Variants in EPG5 observed in about 807,000 individuals in gnomAD.
EPG5 encodes ectopic P-granules 5 autophagy tethering factor, also known as ectopic P granules protein 5 homolog.
In EPG5, 159 loss-of-function variants were observed where a neutral mutation model predicts 302.7. The ratio of observed to expected loss-of-function variants is 0.53; its 90% confidence interval spans 0.46 to 0.60. The LOEUF is 0.60. EPG5 is among the 20% of genes least tolerant of loss of function. The pLI is 0.00. For synonymous variants in EPG5, 1,158 were observed against 1,136.8 expected, an observed-to-expected ratio of 1.02 and a Z score of -0.37; for missense variants, 2,896 against 3,092.4, an observed-to-expected ratio of 0.94 and a Z score of 1.51.
At position 45,917,738 on chromosome 18, in the gene EPG5, G is replaced by T. The variant is rs760272045; in HGVS notation, c.3180C>A (p.Val1060=). The change falls in exon 17 of 44, where the codon GTC becomes GTA. Residue 1060 remains valine (V), a synonymous_variant. Coordinates refer to ENST00000282041, the MANE Select transcript of EPG5 (RefSeq NM_020964.3). ...AAAATAAAGGCAGAATCTTATCCAG[G>T]ACATGAACCACTGTTCTCAAATGTC... ...QSRHLRTVVH[V]LDKILPLFYP... The T allele has an allele frequency of 6.2e-7, 1 of 1,614,038 alleles. No individual in the cohort carries two copies. Among genetic ancestry groups the T allele is most frequent in the South Asian group, 1.1e-5 (1 of 91,076 alleles).
chr18:45,925,764 C>A lies in EPG5; in HGVS notation c.2692G>T (p.Gly898Ter). Residue 898 changes from glycine (G) to a stop codon, truncating the protein, a stop_gained, in exon 14 of 44, where the codon GGA becomes TGA. Coordinates refer to ENST00000282041, the MANE Select transcript of EPG5 (RefSeq NM_020964.3). LOFTEE classifies it high-confidence loss of function. ...KNKLACVILE[G>*]LNWGFAKQAT... Reference sequence around the variant, plus strand: ...TGTTTAGCAAATCCCCAATTCAGTCCTTCAAGAATAACACAGGCCAGTTTA... The same window carrying A: ...TGTTTAGCAAATCCCCAATTCAGTCATTCAAGAATAACACAGGCCAGTTTA... The A allele has an allele frequency of 6.4e-7, 1 of 1,557,960 alleles. No homozygotes were observed. The highest frequency in any genetic ancestry group is 1.4e-5 in the African/African-American group (1 of 71,992).
chr18:45,902,895 T>C (rs180842191), intron 25 of EPG5, among the ~76,000 whole-genome samples: 3 of 152,316 alleles, frequency 2.0e-5, no homozygotes, highest in East Asian at 1.9e-4. Context: ...ATCTGCTCAA[T>C]AGGGATAACC....
intron 17 of EPG5, among the ~76,000 whole-genome samples, chr18:45,917,323 A>C (rs1375832406): frequency 6.6e-6 from 1 of 152,216 alleles, no homozygotes; most frequent in Non-Finnish European, 1.5e-5. Flanking sequence ...AAACAATTTA[A>C]AACAATCTTT....
rs115937897 is a variant in EPG5 at position 45,933,167 on chromosome 18, C to T, written c.2257+1642G>A. The stretch of plus-strand genomic sequence containing the variant: ...CAGACAATGGCTGTGAGACCTCTCA[C>T]CTAGCTCACTCGTAAGCCCAGGTCC... On this transcript the variant is annotated intron_variant, in intron 11 of 43. Transcript: ENST00000282041. Among the ~76,000 whole-genome samples the T allele has an allele frequency of 4.5e-3, 690 of 152,220 alleles. 4 individuals carry two copies. Among genetic ancestry groups the T allele is most frequent in the African/African-American group, 0.015 (626 of 41,524 alleles).
chr18:45,807,465 A>T, the EPG5 span, among the ~76,000 whole-genome samples: 1 of 152,166 alleles, frequency 6.6e-6, no homozygotes, highest in African/African-American at 2.4e-5. Context: ...AAGAACCCTC[A>T]CAGAGTCCAT....
At chr18:45,816,632 G>A in the EPG5 span, among the ~76,000 whole-genome samples, 75 of 152,258 alleles carry the variant, frequency 4.9e-4, no homozygotes, top group Admixed American at 1.3e-3. Context: ...AGATGTTAGC[G>A]TGGATGCGGC....
the EPG5 span, among the ~76,000 whole-genome samples, chr18:45,833,699 AAG>A: frequency 6.6e-6 from 1 of 152,192 alleles, no homozygotes; most frequent in Non-Finnish European, 1.5e-5. Flanking sequence ...AATTCTCAAA[AAG>A]AGTTTACTGC....
At chr18:45,868,442 A>G (rs1001064093) in intron 36 of EPG5, among the ~76,000 whole-genome samples, 1 of 151,662 alleles carries the variant, frequency 6.6e-6, no homozygotes, top group East Asian at 1.9e-4. Flanking sequence ...GCTTCAAGCA[A>G]TTCTCCTGTC....
At position 45,965,491 on chromosome 18, in the gene EPG5, A is replaced by C. The variant is rs540104568; in HGVS notation, c.63+1686T>G. ...AAAAAAAGAGCATCATAATGAAAGA[A>C]ATCCACATAAGTCATCTACAGTCTA... On this transcript the variant is annotated intron_variant, in intron 1 of 43. Coordinates refer to ENST00000282041, the MANE Select transcript of EPG5 (RefSeq NM_020964.3). Among the ~76,000 whole-genome samples, 86 of 152,344 alleles carry C rather than the reference A, an allele frequency of 5.6e-4. 1 individual carries two copies. The highest frequency in any genetic ancestry group is 5.6e-3 in the Admixed American group (85 of 15,306).
Position 45,884,851 on chromosome 18 carries a change from C to T in EPG5, c.5110-40G>A, listed in dbSNP as rs749776218. 1.1e-5 allele frequency: 15 copies of T among 1,413,736 alleles called. No homozygotes were observed. The Admixed American group carries it at 2.4e-4, about 22-fold the overall frequency. 87.6% of individuals were successfully genotyped at this position (1,413,736 alleles called of 1,614,324 possible). A position where few individuals can be genotyped will look rare whatever the true frequency, so the allele number is the denominator to read the frequency against. ...AAGGAAAAATGTCACCAGATTCTTC[C>T]CTCACAACCTTTATTTAAGCAAGCA... On this transcript the variant is annotated intron_variant, in intron 29 of 43. Coordinates refer to ENST00000282041, the MANE Select transcript of EPG5 (RefSeq NM_020964.3).
In EPG5 at chr18:45,880,115, A is replaced by ACGG; in HGVS notation, c.5624_5626dup (p.Ala1875dup). The ACGG allele has an allele frequency of 6.2e-7, 1 of 1,610,762 alleles. No homozygotes were observed. Among genetic ancestry groups the ACGG allele is most frequent in the South Asian group, 1.1e-5 (1 of 90,866 alleles). On this transcript the variant is annotated inframe_insertion, in exon 32 of 44. Coordinates refer to ENST00000282041, the MANE Select transcript of EPG5 (RefSeq NM_020964.3). ...GAGAGCATCAGAAGAGCTGGGAAGC[A>ACGG]CGGCGCCCTCGGTGGACGCTGCCCC...
chr18:45,964,709 T>C (rs2051212494), intron 1 of EPG5, among the ~76,000 whole-genome samples: 1 of 152,218 alleles, frequency 6.6e-6, no homozygotes, highest in African/African-American at 2.4e-5. Context: ...GGCTCATGCC[T>C]GTAATCCCAG....
At chr18:45,807,538 C>T in the EPG5 span, among the ~76,000 whole-genome samples, 8 of 152,226 alleles carry the variant, frequency 5.3e-5, no homozygotes, top group Non-Finnish European at 1.0e-4. Context: ...GACCCACAGA[C>T]GGTTCACATC....
intron 4 of EPG5, among the ~76,000 whole-genome samples, chr18:45,950,841 C>A (rs1599641090): frequency 6.6e-6 from 1 of 152,202 alleles, no homozygotes; most frequent in Non-Finnish European, 1.5e-5. Context: ...TCGCATACTT[C>A]CTGCATTTCC....
chr18:45,828,946 A>G, the EPG5 span: 23 of 251,858 alleles, frequency 9.1e-5, no homozygotes, highest in East Asian at 1.4e-3. Flanking sequence ...GGAGGGTTTA[A>G]TGAGCCAGGG....
chr18:45,888,746 C>T (rs1336506614), intron 28 of EPG5, among the ~76,000 whole-genome samples: 2 of 152,112 alleles, frequency 1.3e-5, no homozygotes, highest in Non-Finnish European at 2.9e-5. Flanking sequence ...GGCCGATTTT[C>T]AATACTTAGT....
At chr18:45,913,168 A>T (rs950102108) in intron 21 of EPG5, among the ~76,000 whole-genome samples, 3 of 152,200 alleles carry the variant, frequency 2.0e-5, no homozygotes, top group Admixed American at 6.5e-5. Context: ...TTGAAAATTC[A>T]GATTTCAAAA....
chr18:45,908,475 C>A (rs1441045752), intron 23 of EPG5, among the ~76,000 whole-genome samples: 1 of 152,102 alleles, frequency 6.6e-6, no homozygotes, highest in Non-Finnish European at 1.5e-5. Context: ...AAAAATAATA[C>A]ATTCAAATAA....
At chr18:45,846,551 C>G (rs1028165872), downstream of EPG5, among the ~76,000 whole-genome samples, 2 of 132,718 alleles carry the variant, frequency 1.5e-5, no homozygotes, top group Non-Finnish European at 3.2e-5. Flanking sequence ...AAAAAAAGAT[C>G]TCGGGGGTTC....
Sources: allele counts gnomAD v4.1 joint callset (sites outside exome capture counted in the v4.1 genomes callset), GRCh38; gene constraint gnomAD v4.1.1; transcripts MANE v1.5; gene names NCBI Gene and HGNC (gene_info 2026-07-23, HGNC 2026-07-21).